Variants in EPHA4 observed in about 807,000 individuals in gnomAD.
EPHA4 encodes the protein EPH receptor A4.
In EPHA4, 19 loss-of-function variants were observed where a neutral mutation model predicts 108.3. That is an observed-to-expected ratio of 0.18 (90% CI 0.12 to 0.26). The LOEUF is 0.26. EPHA4 is among the 10% of genes least tolerant of loss of function. EPHA4 has a pLI of 1.00. For synonymous variants in EPHA4, 449 were observed against 455.5 expected (o/e 0.99, Z 0.18); for missense variants, 917 against 1,254.0 (o/e 0.73, Z 4.06).
At chr2:221,480,062 AC>A (rs1389084662) in intron 5 of EPHA4, among the ~76,000 whole-genome samples, 81 of 27,558 alleles carry the variant, frequency 2.9e-3, no homozygotes, top group African/African-American at 0.011. Flanking sequence ...ACCCCACCCC[AC>A]CCCCGGAAAT....
intron 8 of EPHA4, among the ~76,000 whole-genome samples, chr2:221,453,454 C>T (rs750294435): frequency 4.6e-5 from 7 of 152,008 alleles, no homozygotes; most frequent in East Asian, 1.9e-4. Context: ...GCACAGCATG[C>T]GTACATATAC....
At position 221,419,906 on chromosome 2, in the gene EPHA4, T is replaced by C. The variant is rs998576803; in HGVS notation, c.*1466A>G. On this transcript the variant is annotated 3_prime_UTR_variant, in exon 18 of 18. Transcript: ENST00000281821. ...TGTAGCATTCCACAACATTCATGGG[T>C]AGTCCTAAGCATGAGGCTACGCACA... is the stretch of plus-strand genomic sequence containing the variant. 2 of 152,672 alleles carry C rather than the reference T, an allele frequency of 1.3e-5. No homozygotes were observed. Among genetic ancestry groups the C allele is most frequent in the Admixed American group, 6.5e-5 (1 of 15,296 alleles). 9.5% of individuals were successfully genotyped at this position (152,672 alleles called of 1,614,324 possible). A position where few individuals can be genotyped will look rare whatever the true frequency, so the allele number is the denominator to read the frequency against.
intron 8 of EPHA4, among the ~76,000 whole-genome samples, chr2:221,447,314 G>A (rs1375569894): frequency 2.0e-5 from 3 of 152,192 alleles, no homozygotes; most frequent in Non-Finnish European, 2.9e-5. Context: ...AACACGGTCT[G>A]AGATAAGTAA....
At chr2:221,514,958 A>T (rs1262031914) in intron 3 of EPHA4, among the ~76,000 whole-genome samples, 3 of 152,146 alleles carry the variant, frequency 2.0e-5, no homozygotes, top group African/African-American at 7.2e-5. Flanking sequence ...GTCACTAACA[A>T]CCTAAATTTA....
intron 5 of EPHA4, among the ~76,000 whole-genome samples, chr2:221,466,503 T>C (rs1430215): frequency 0.024 from 3,579 of 152,184 alleles, 90 homozygotes; most frequent in East Asian, 0.081. Flanking sequence ...GAAACTCAGG[T>C]ACAAAGAAAT....
chr2:221,550,416 GGGGA>G (rs1189041917), intron 3 of EPHA4, among the ~76,000 whole-genome samples: 87 of 130,736 alleles, frequency 6.7e-4, no homozygotes, highest in African/African-American at 1.1e-3. Flanking sequence ...GATGAGGAAA[GGGGA>G]GAGAGAGAGA....
In EPHA4 at chr2:221,457,980, G is replaced by A; in HGVS notation, c.1329C>T (p.Ser443=). 1.2e-6 allele frequency: 2 copies of A among 1,611,556 alleles called. No individual in the cohort carries two copies. The highest frequency in any genetic ancestry group is 8.5e-7 in the Non-Finnish European group (1 of 1,179,022). ...CTTCTTTAGCCTGGACCAAAGCAAT[G>A]GATGATGGTGCTGTTAGAAAAAAAC... is the stretch of plus-strand genomic sequence containing the variant. The part of the protein sequence containing the change: ...TVTTNQAAPS[S]IALVQAKEVT... Residue 443 remains serine, a synonymous_variant, in exon 6 of 18, where the codon TCC becomes TCT. Coordinates refer to ENST00000281821, the MANE Select transcript of EPHA4 (RefSeq NM_004438.5).
intron 5 of EPHA4, among the ~76,000 whole-genome samples, chr2:221,477,551 G>C (rs141302239): frequency 3.9e-5 from 6 of 152,230 alleles, no homozygotes; most frequent in African/African-American, 1.2e-4. Context: ...TTGCCCATTA[G>C]GGGTAGGAGC....
chr2:221,518,442 T>C (rs181436466), intron 3 of EPHA4, among the ~76,000 whole-genome samples: 138 of 152,330 alleles, frequency 9.1e-4, no homozygotes, highest in Admixed American at 2.2e-3. Flanking sequence ...CTCAGATCCA[T>C]AGCAGCTGCA....
chr2:221,440,879 G>A (rs77116804), intron 11 of EPHA4, among the ~76,000 whole-genome samples: 12,041 of 152,206 alleles, frequency 0.079, 629 homozygotes, highest in East Asian at 0.25. Flanking sequence ...GTATGCGGTC[G>A]TTTGTCCCCA....
intron 4 of EPHA4, 133 bp from the exon 5 acceptor site, chr2:221,482,823 A>T: frequency 1.4e-6 from 1 of 720,098 alleles, no homozygotes. Flanking sequence ...AAAGCAAATC[A>T]AGCCAGCATA....
At chr2:221,462,622 C>T (rs1009595507) in intron 5 of EPHA4, among the ~76,000 whole-genome samples, 1 of 152,154 alleles carries the variant, frequency 6.6e-6, no homozygotes, top group Non-Finnish European at 1.5e-5. Flanking sequence ...TCCATCTGCA[C>T]CTGTTTCAAA....
At chr2:221,483,726 C>T (rs1192052356) in intron 4 of EPHA4, among the ~76,000 whole-genome samples, 1 of 152,088 alleles carries the variant, frequency 6.6e-6, no homozygotes, top group African/African-American at 2.4e-5. Flanking sequence ...TCTTGAACTC[C>T]TGATTTCAAG....
intron 3 of EPHA4, among the ~76,000 whole-genome samples, chr2:221,550,144 C>T (rs958483661): frequency 6.6e-6 from 1 of 152,116 alleles, no homozygotes; most frequent in African/African-American, 2.4e-5. Flanking sequence ...GCTGGAAAAT[C>T]TACATATGTG....
At position 221,429,961 on chromosome 2, in the gene EPHA4, G is replaced by A; in HGVS notation, c.2687C>T (p.Ser896Phe). 1 of 1,613,832 alleles carries A rather than the reference G, an allele frequency of 6.2e-7. No homozygotes were observed. Among genetic ancestry groups the A allele is most frequent in the Non-Finnish European group, 8.5e-7 (1 of 1,179,904 alleles). The change falls in exon 15 of 18, where the codon TCC (serine) becomes TTC (phenylalanine). Residue 896 changes from serine (S) to phenylalanine (F), a missense_variant. Physicochemically the swap from Ser to Phe is radical, Grantham distance 155 (BLOSUM62 -2). Transcript: ENST00000281821. Reference sequence around the variant, plus strand: ...CTATTAAGTAAGCATGGCTGACCTGGAGCTCTCCGTCCCTGTCCTCTTCAA... The same window carrying A: ...CTATTAAGTAAGCATGGCTGACCTGAAGCTCTCCGTCCCTGTCCTCTTCAA... ...NSLKRTGTES[S>F]RPNTALLDPS...
chr2:221,495,913 C>T (rs543676280), intron 4 of EPHA4, among the ~76,000 whole-genome samples: 29 of 152,098 alleles, frequency 1.9e-4, no homozygotes, highest in African/African-American at 6.3e-4. Flanking sequence ...TCACTAAATG[C>T]GAGGCTGCAT....
chr2:221,443,689 A>G (rs1690503158), intron 9 of EPHA4, 83 bp from the exon 10 acceptor site: 2 of 1,002,308 alleles, frequency 2.0e-6, no homozygotes, highest in Non-Finnish European at 3.1e-6. Context: ...AAAATTACCA[A>G]ACATAGGAAA....
intron 3 of EPHA4, among the ~76,000 whole-genome samples, chr2:221,518,299 T>A (rs1471046248): frequency 6.6e-6 from 1 of 152,182 alleles, no homozygotes; most frequent in East Asian, 1.9e-4. Context: ...CCTCTCCTGA[T>A]GCCTGTAGTC....
At chr2:221,565,112 C>T (rs1344125860) in intron 2 of EPHA4, among the ~76,000 whole-genome samples, 3 of 152,064 alleles carry the variant, frequency 2.0e-5, no homozygotes, top group Non-Finnish European at 4.4e-5. Context: ...ATTTTTAAAA[C>T]ATAGACAAAT....
Sources: gnomAD v4.1 joint callset for allele counts (sites outside exome capture counted in the v4.1 genomes callset) on GRCh38, gnomAD v4.1.1 for gene constraint, MANE v1.5 for transcripts, NCBI Gene and HGNC (gene_info 2026-07-23, HGNC 2026-07-21) for gene names.